Variants in MTUS1 observed in about 807,000 individuals in gnomAD.
The protein encoded by MTUS1 is microtubule-associated tumor suppressor 1.
Under a neutral mutation model 120.8 loss-of-function variants are expected in MTUS1, and 109 were observed. The ratio of observed to expected loss-of-function variants is 0.90; its 90% CI spans 0.77 to 1.06. The LOEUF is 1.06. Ranked by LOEUF, MTUS1 falls within the 50% of genes least tolerant of loss-of-function variation. The pLI, the probability that MTUS1 is intolerant of heterozygous loss-of-function variation, is 0.00. For missense variants in MTUS1, 2,210 were observed against 1,486.3 expected, an observed-to-expected ratio of 1.49 and a Z score of -8.01; for synonymous variants, 737 against 550.5, an observed-to-expected ratio of 1.34 and a Z score of -4.74.
intron 6 of MTUS1, among the ~76,000 whole-genome samples, chr8:17,684,949 A>G (rs1815445158): frequency 6.6e-6 from 1 of 152,234 alleles, no homozygotes; most frequent in Non-Finnish European, 1.5e-5. Context: ...ACTGGACTTT[A>G]AATTAAATGC....
chr8:17,644,929 G>C lies in MTUS1; in HGVS notation c.*997C>G, dbSNP rs965538242. The C allele has an allele frequency of 7.2e-5, 11 of 152,242 alleles. No homozygotes were observed. The highest frequency in any genetic ancestry group is 2.7e-4 in the African/African-American group (11 of 41,438). 9.4% of individuals were successfully genotyped at this position (152,242 alleles called of 1,614,324 possible). On this transcript the variant is annotated 3_prime_UTR_variant, in exon 15 of 15. Coordinates refer to ENST00000693296, the MANE Select transcript of MTUS1 (RefSeq NM_001363059.2). ...AGGTTTGCTTTTGTGGCTCTGGATG[G>C]TGGAGAAAGGTAAAAGGAAAATGAG...
intron 8 of MTUS1, among the ~76,000 whole-genome samples, chr8:17,660,098 T>A (rs112129355): frequency 6.6e-6 from 1 of 151,934 alleles, no homozygotes; most frequent in African/African-American, 2.4e-5. Context: ...GTTGGCCGGG[T>A]GCAGTGGCTC....
In MTUS1 at chr8:17,782,993, G is replaced by A. The variant is rs528717939; in HGVS notation, c.-155+18068C>T. Among the ~76,000 whole-genome samples, 61 of 152,154 alleles carry A rather than the reference G, an allele frequency of 4.0e-4. 1 individual carries two copies. The highest frequency in any genetic ancestry group is 2.8e-4 in the Non-Finnish European group (19 of 68,030). On this transcript the variant is annotated intron_variant, in intron 1 of 14. Coordinates refer to ENST00000693296, the MANE Select transcript of MTUS1 (RefSeq NM_001363059.2). ...CTCAGGAGGCTGAGGCAGGAGAATC[G>A]CTTAAACCTGGGAGGCGGAGTTTGC...
chr8:17,702,098 A>G (rs1414151083), intron 6 of MTUS1, among the ~76,000 whole-genome samples: 1 of 152,224 alleles, frequency 6.6e-6, no homozygotes, highest in Non-Finnish European at 1.5e-5. Flanking sequence ...TCTGAAAAGC[A>G]GTCAATAAGT....
intron 3 of MTUS1, among the ~76,000 whole-genome samples, chr8:17,729,713 A>G (rs1057157674): frequency 1.3e-5 from 2 of 152,194 alleles, no homozygotes; most frequent in African/African-American, 4.8e-5. Context: ...GCAGGAATTG[A>G]ATTTTTAAAA....
chr8:17,722,368 T>C (rs919523712), intron 4 of MTUS1: 3 of 976,088 alleles, frequency 3.1e-6, no homozygotes, highest in East Asian at 2.3e-4. Context: ...AGTTTGTCTT[T>C]AAAATTGCTT....
Position 17,653,246 on chromosome 8 carries a change from A to T in MTUS1, c.3324T>A (p.Ala1108=). 1 of 1,559,672 alleles carries T rather than the reference A, an allele frequency of 6.4e-7. No homozygotes were observed. Among genetic ancestry groups the T allele is most frequent in the Non-Finnish European group, 8.6e-7 (1 of 1,157,748 alleles). The change falls in exon 12 of 15, where the codon GCT becomes GCA. Residue 1108 remains alanine, a synonymous_variant. Transcript: ENST00000693296. The part of the protein sequence containing the change: ...QINDLKSEND[A]LNEKLKSEEQ... ...CTTCTGATTTCAATTTTTCATTTAA[A>T]GCATCATTTTCACTCTTCAGATCAT...
At chr8:17,724,174 A>T (rs926296245) in intron 3 of MTUS1, 1 of 466,582 alleles carries the variant, frequency 2.1e-6, no homozygotes, top group East Asian at 6.3e-5. Flanking sequence ...TGAAATAAAA[A>T]AATAAACAAA....
intron 3 of MTUS1, among the ~76,000 whole-genome samples, chr8:17,725,453 T>C (rs980970609): frequency 2.0e-5 from 3 of 152,184 alleles, no homozygotes; most frequent in Non-Finnish European, 4.4e-5. Flanking sequence ...TAACCTCGCT[T>C]TCTCTCTGAC....
At chr8:17,658,908 G>C (rs1200850310) in intron 8 of MTUS1, among the ~76,000 whole-genome samples, 1 of 151,998 alleles carries the variant, frequency 6.6e-6, no homozygotes, top group Non-Finnish European at 1.5e-5. Flanking sequence ...GTCTGCCAAA[G>C]AGAACCCTTA....
chr8:17,666,995 GA>G (rs1811059429), intron 8 of MTUS1, among the ~76,000 whole-genome samples: 1 of 152,128 alleles, frequency 6.6e-6, no homozygotes, highest in African/African-American at 2.4e-5. Flanking sequence ...TAAAGTTTGG[GA>G]GCCACTATTC....
intron 8 of MTUS1, among the ~76,000 whole-genome samples, chr8:17,673,432 C>T (rs58156989): frequency 0.042 from 6,459 of 152,252 alleles, 456 homozygotes; most frequent in African/African-American, 0.15. Context: ...TCACCTCCCA[C>T]TGGAAGGGGA....
intron 7 of MTUS1, chr8:17,676,369 T>C (rs548481163): frequency 1.4e-6 from 1 of 702,540 alleles, no homozygotes; most frequent in African/African-American, 1.7e-5. Flanking sequence ...CCCCTCGCAC[T>C]GTGCAAGAAG....
intron 6 of MTUS1, chr8:17,697,379 T>C (rs757729249): frequency 1.2e-6 from 2 of 1,613,772 alleles, no homozygotes; most frequent in East Asian, 2.2e-5. Context: ...CAACAACATG[T>C]CTTCGGAGCA....
rs151260059 is a variant in MTUS1, at chr8:17,756,877, C to T, written c.-154-916G>A. Among the ~76,000 whole-genome samples the T allele has an allele frequency of 5.6e-4, 85 of 152,228 alleles. 1 individual carries two copies. Among genetic ancestry groups the T allele is most frequent in the African/African-American group, 2.0e-3 (83 of 41,536 alleles). On this transcript the variant is annotated intron_variant, in intron 1 of 14. Transcript: ENST00000693296. ...ACTGAGAAGAGTAGGAGAGCTCTCA[C>T]CAAAAACCAAACCCTGAAAAGAACC...
At chr8:17,785,775 C>T (rs1188757874) in intron 1 of MTUS1, among the ~76,000 whole-genome samples, 3 of 152,118 alleles carry the variant, frequency 2.0e-5, no homozygotes, top group Non-Finnish European at 4.4e-5. Context: ...AGTTTCTCAC[C>T]TCTGCAAAGA....
chr8:17,774,367 T>C (rs1175779840), intron 1 of MTUS1, among the ~76,000 whole-genome samples: 1 of 152,202 alleles, frequency 6.6e-6, no homozygotes. Flanking sequence ...TGATTCTGGC[T>C]AGTACCACCT....
chr8:17,680,427 G>GCACTC (rs1213072684), intron 7 of MTUS1, among the ~76,000 whole-genome samples: 2 of 122,558 alleles, frequency 1.6e-5, no homozygotes, highest in African/African-American at 6.3e-5. Context: ...TTGCGCCACT[G>GCACTC]CACTCCAGAC....
intron 7 of MTUS1, 54 bp downstream of exon 7, chr8:17,684,274 C>G: frequency 1.5e-6 from 2 of 1,343,738 alleles, no homozygotes; most frequent in Non-Finnish European, 2.1e-6. Context: ...CAAGTCCTCC[C>G]CGTGCTCCCC....
Sources: allele counts gnomAD v4.1 joint callset (sites outside exome capture counted in the v4.1 genomes callset), GRCh38; gene constraint gnomAD v4.1.1; transcripts MANE v1.5; gene names NCBI Gene and HGNC (gene_info 2026-07-23, HGNC 2026-07-21).